Variants in PRKG1 observed in about 807,000 individuals in gnomAD.
PRKG1 encodes protein kinase cGMP-dependent 1.
A neutral mutation model predicts 88.1 loss-of-function variants in PRKG1; 35 were observed. The ratio of observed to expected loss-of-function variants is 0.40; its 90% CI spans 0.30 to 0.53. PRKG1 has a LOEUF of 0.53. PRKG1 is among the 20% of genes least tolerant of loss of function. The pLI, the probability that PRKG1 is intolerant of heterozygous loss-of-function variation, is 0.59. For missense variants in PRKG1, 540 were observed against 839.8 expected, an observed-to-expected ratio of 0.64 and a Z score of 4.41; for synonymous variants, 303 against 292.5, an observed-to-expected ratio of 1.04 and a Z score of -0.37.
At chr10:52,215,544 A>G (rs1840090180) in intron 9 of PRKG1, among the ~76,000 whole-genome samples, 1 of 152,196 alleles carries the variant, frequency 6.6e-6, no homozygotes, top group Admixed American at 6.6e-5. Flanking sequence ...ACTTTTCAAT[A>G]TCACCTCAAT....
At chr10:51,334,999 CTTTTT>C (rs918622780) in intron 2 of PRKG1, among the ~76,000 whole-genome samples, 6 of 78,746 alleles carry the variant, frequency 7.6e-5, no homozygotes, top group Non-Finnish European at 1.4e-4. Context: ...TGTCAGGTTT[CTTTTT>C]TTTTTTTTTT....
intron 3 of PRKG1, among the ~76,000 whole-genome samples, chr10:51,572,126 T>C (rs1162689780): frequency 6.6e-6 from 1 of 151,928 alleles, no homozygotes; most frequent in Non-Finnish European, 1.5e-5. Flanking sequence ...ATTTGCTTTA[T>C]TGATGGTTCC....
chr10:51,847,392 A>G (rs534443922), intron 4 of PRKG1, among the ~76,000 whole-genome samples: 3 of 152,170 alleles, frequency 2.0e-5, no homozygotes, highest in Non-Finnish European at 4.4e-5. Flanking sequence ...TTGGCAGGGA[A>G]GCTGATTATT....
At chr10:51,691,413 TC>T (rs1227653076) in intron 3 of PRKG1, among the ~76,000 whole-genome samples, 2 of 151,588 alleles carry the variant, frequency 1.3e-5, no homozygotes, top group African/African-American at 4.9e-5. Flanking sequence ...GCTGAAGTGA[TC>T]CTCCCACTTC....
intron 3 of PRKG1, among the ~76,000 whole-genome samples, chr10:51,636,409 T>G (rs1038487945): frequency 1.3e-5 from 2 of 152,240 alleles, no homozygotes; most frequent in Non-Finnish European, 2.9e-5. Flanking sequence ...TTGGTTATTC[T>G]GTTCATGTTT....
chr10:51,915,211 G>A (rs965638216), intron 5 of PRKG1, among the ~76,000 whole-genome samples: 2 of 152,186 alleles, frequency 1.3e-5, no homozygotes, highest in Non-Finnish European at 2.9e-5. Context: ...GGAGTTATTG[G>A]AGTACTGTGA....
At chr10:51,106,194 CA>C (rs1330619841) in intron 1 of PRKG1, among the ~76,000 whole-genome samples, 1 of 152,140 alleles carries the variant, frequency 6.6e-6, no homozygotes, top group Non-Finnish European at 1.5e-5. Flanking sequence ...TGTAAAATAG[CA>C]ACAAGAATAC....
At chr10:51,015,904 A>G (rs1302509169) in intron 1 of PRKG1, among the ~76,000 whole-genome samples, 4 of 152,134 alleles carry the variant, frequency 2.6e-5, no homozygotes, top group African/African-American at 9.7e-5. Flanking sequence ...AAGAAAAAAA[A>G]GAGATAGAGG....
At chr10:51,156,297 G>GCACACACACACACATA (rs1554841312) in intron 2 of PRKG1, among the ~76,000 whole-genome samples, 2 of 35,134 alleles carry the variant, frequency 5.7e-5, no homozygotes, top group African/African-American at 2.3e-4. Flanking sequence ...TTTGATGCAA[G>GCACACACACACACATA]CACACACACA....
chr10:51,043,230 A>G (rs1843447198), intron 1 of PRKG1, among the ~76,000 whole-genome samples: 1 of 152,210 alleles, frequency 6.6e-6, no homozygotes, highest in African/African-American at 2.4e-5. Context: ...GAGATCCATC[A>G]GCCACCAATA....
intron 9 of PRKG1, among the ~76,000 whole-genome samples, chr10:52,211,152 T>C (rs1005754738): frequency 6.6e-6 from 1 of 152,182 alleles, no homozygotes; most frequent in African/African-American, 2.4e-5. Flanking sequence ...GTCTGTTCTT[T>C]TAAAGTTTGT....
At chr10:51,164,063 C>T (rs1846452575) in intron 2 of PRKG1, among the ~76,000 whole-genome samples, 1 of 152,202 alleles carries the variant, frequency 6.6e-6, no homozygotes, top group African/African-American at 2.4e-5. Context: ...CAGCATGCAG[C>T]TGGAGATCTG....
intron 2 of PRKG1, among the ~76,000 whole-genome samples, chr10:51,329,322 G>A (rs563234914): frequency 9.7e-4 from 148 of 152,122 alleles, no homozygotes; most frequent in African/African-American, 3.2e-3. Context: ...TGAAGAGAAC[G>A]CCCCTTTGCC....
intron 5 of PRKG1, among the ~76,000 whole-genome samples, chr10:51,999,034 C>G (rs2133145110): frequency 6.6e-6 from 1 of 152,264 alleles, no homozygotes; most frequent in East Asian, 1.9e-4. Context: ...GTGAAAGTCA[C>G]CTGTTTCCTC....
At chr10:52,278,211 A>G (rs1841919263) in intron 12 of PRKG1, among the ~76,000 whole-genome samples, 1 of 152,230 alleles carries the variant, frequency 6.6e-6, no homozygotes, top group African/African-American at 2.4e-5. Flanking sequence ...GACACATGAA[A>G]AAATGCTCAT....
intron 3 of PRKG1, among the ~76,000 whole-genome samples, chr10:51,552,580 T>C (rs1013642697): frequency 4.0e-5 from 6 of 151,622 alleles, no homozygotes; most frequent in Admixed American, 3.3e-4. Context: ...TTTAAGAAAA[T>C]GTCCTGAAAA....
chr10:51,399,279 C>G (rs1233768763), intron 2 of PRKG1, among the ~76,000 whole-genome samples: 2 of 151,940 alleles, frequency 1.3e-5, no homozygotes, highest in Non-Finnish European at 2.9e-5. Context: ...ACATAGCATG[C>G]CGTGTTAATC....
At chr10:51,103,417 C>T (rs4603249) in intron 1 of PRKG1, among the ~76,000 whole-genome samples, 76,445 of 151,900 alleles carry the variant, frequency 0.5, 20,555 homozygotes, top group East Asian at 0.71. Flanking sequence ...TATATTTCTT[C>T]GAGCTAAAAA....
intron 9 of PRKG1, among the ~76,000 whole-genome samples, chr10:52,212,083 G>T (rs149844430): frequency 5.1e-4 from 78 of 152,130 alleles, no homozygotes; most frequent in African/African-American, 1.7e-3. Flanking sequence ...CTTGCAAATC[G>T]GGCACCCCCC....
Sources: gnomAD v4.1 joint callset for allele counts (sites outside exome capture counted in the v4.1 genomes callset) on GRCh38, gnomAD v4.1.1 for gene constraint, MANE v1.5 for transcripts, NCBI Gene and HGNC (gene_info 2026-07-23, HGNC 2026-07-21) for gene names.